The following LMOD3 variants were observed in gnomAD, a reference collection of about 807,000 sequenced individuals.
LMOD3 encodes the protein leiomodin 3, also known as leiomodin-3.
In LMOD3, 31 loss-of-function variants were observed where a neutral mutation model predicts 41.8. That is an observed-to-expected ratio of 0.74 (90% CI 0.56 to 1.00). LMOD3 has a LOEUF of 1.00. Among genes scored for constraint, LMOD3 ranks in the 50% least tolerant of loss-of-function variants. The pLI is 0.00. For synonymous variants in LMOD3, 292 were observed against 241.9 expected (o/e 1.21, Z -1.92); for missense variants, 755 against 679.5 (o/e 1.11, Z -1.23).
Position 69,109,117 on chromosome 3 carries a change from T to G in LMOD3, c.1661A>C (p.Gln554Pro). 6.2e-7 allele frequency: 1 copy of G among 1,602,868 alleles called. No homozygotes were observed. Among genetic ancestry groups the G allele is most frequent in the Non-Finnish European group, 8.5e-7 (1 of 1,174,444 alleles). ...CTCTTACGCCAGTTCTTTTGGCAGT[T>G]GCACCTGCGATTTAAGCATTTGAGG... ...HSSVAYLKPV[Q>P]LPKELA The change falls in exon 3 of 3, where the codon CAA becomes CCA. Residue 554 changes from glutamine to proline, a missense_variant. Physicochemically the swap from Gln to Pro is moderately conservative, Grantham distance 76. Transcript: ENST00000420581.
In LMOD3 at chr3:69,119,478, C is replaced by A; in HGVS notation, c.877G>T (p.Gly293Cys). 1 of 1,613,914 alleles carries A rather than the reference C, an allele frequency of 6.2e-7. No individual in the cohort carries two copies. The highest frequency in any genetic ancestry group is 8.5e-7 in the Non-Finnish European group (1 of 1,179,868). ...GCAAATGCTACATTCTCATCTGCAC[C>A]CACATTGGCTAAACTGAATGTTTTG... ...HIKTFSLANV[G>C]ADENVAFALA... Residue 293 changes from glycine (G) to cysteine (C), a missense_variant, in exon 2 of 3, where the codon GGT (glycine) becomes TGT (cysteine). Transcript: ENST00000420581.
chr3:69,119,896 ATCATCTTCTTCTTCT>A lies in LMOD3; in HGVS notation c.444_458del (p.Glu148_Asp152del), dbSNP rs1437507395. 4.9e-6 allele frequency: 7 copies of A among 1,416,230 alleles called. No homozygotes were observed. Among genetic ancestry groups the A allele is most frequent in the Non-Finnish European group, 6.8e-6 (7 of 1,022,262 alleles). The allele number at this position is 1,416,230 out of a possible 1,614,324, so 87.7% of individuals were successfully genotyped here. A position where few individuals can be genotyped will look rare whatever the true frequency, so the allele number is the denominator to read the frequency against. The stretch of plus-strand genomic sequence containing the variant: ...CATCTTCTCCTTCGTCGTCATCATC[ATCATCTTCTTCTTCT>A]TCATCTTCTTCATCTGTTTCTTGGA... On this transcript the variant is annotated inframe_deletion, in exon 2 of 3. Transcript: ENST00000420581.
In LMOD3 at chr3:69,107,082, T is replaced by A. The variant is rs1419557912; in HGVS notation, c.*2013A>T. The A allele has an allele frequency of 6.6e-6, 1 of 152,018 alleles. No individual in the cohort carries two copies. Among genetic ancestry groups the A allele is most frequent in the African/African-American group, 2.4e-5 (1 of 41,358 alleles). 9.4% of individuals were successfully genotyped at this position (152,018 alleles called of 1,614,324 possible). On this transcript the variant is annotated 3_prime_UTR_variant, in exon 3 of 3. Transcript: ENST00000420581. ...CTTTTCCTATCAGAGTTTAGCCTCT[T>A]AGATGTAGTATGTGCTAGACACTTG...
chr3:69,122,495 T>C lies in LMOD3; in HGVS notation c.-109A>G, dbSNP rs991940959. On this transcript the variant is annotated 5_prime_UTR_variant, in exon 1 of 3. Coordinates refer to ENST00000420581, the MANE Select transcript of LMOD3 (RefSeq NM_198271.5). ...TCCCCCAGTTAACGAGTGTCCCAAGTTAACACACCCTTGAGATATTTTTTT... is the reference window on the plus strand; with the variant it reads ...TCCCCCAGTTAACGAGTGTCCCAAGCTAACACACCCTTGAGATATTTTTTT... 3 of 809,510 alleles carry C rather than the reference T, an allele frequency of 3.7e-6. No homozygotes were observed. The highest frequency in any genetic ancestry group is 3.8e-6 in the Non-Finnish European group (2 of 528,128). The allele number at this position is 809,510 out of a possible 1,614,324, so 50.1% of individuals were successfully genotyped here. A position where few individuals can be genotyped will look rare whatever the true frequency, so the allele number is the denominator to read the frequency against.
chr3:69,118,657 A>T (rs371600016), intron 2 of LMOD3, 42 bp downstream of exon 2: 1 of 1,572,222 alleles, frequency 6.4e-7, no homozygotes, highest in African/African-American at 1.4e-5. Flanking sequence ...TGCATTTACT[A>T]TGGAGGGTGC....
At chr3:69,117,584 A>G (rs527692154) in intron 2 of LMOD3, among the ~76,000 whole-genome samples, 75 of 152,302 alleles carry the variant, frequency 4.9e-4, no homozygotes, top group Middle Eastern at 3.4e-3. Flanking sequence ...TCTGCAACTT[A>G]AGTTGCACGG....
intron 1 of LMOD3, 140 bp from the exon 2 acceptor site, chr3:69,120,200 T>C: frequency 1.1e-6 from 1 of 932,982 alleles, no homozygotes. Context: ...AATAGCTGAT[T>C]GCTAAAAATG....
In LMOD3 at chr3:69,107,708, C is replaced by T. The variant is rs144633600; in HGVS notation, c.*1387G>A. The T allele has an allele frequency of 5.3e-5, 8 of 151,864 alleles. No individual in the cohort carries two copies. In the South Asian group the frequency reaches 1.7e-3, roughly 32 times the overall value. The allele number at this position is 151,864 out of a possible 1,614,324, so 9.4% of individuals were successfully genotyped here. On this transcript the variant is annotated 3_prime_UTR_variant, in exon 3 of 3. Coordinates refer to ENST00000420581, the MANE Select transcript of LMOD3 (RefSeq NM_198271.5). ...GCCAGGCTGGTCTCGAACTCCTGAC[C>T]TCTGGAGATCCTCCCTCCCTGGCCT... is the stretch of plus-strand genomic sequence containing the variant.
At chr3:69,112,031 T>C (rs993528779) in intron 2 of LMOD3, among the ~76,000 whole-genome samples, 1 of 152,248 alleles carries the variant, frequency 6.6e-6, no homozygotes, top group Admixed American at 6.5e-5. Context: ...TTAATCATTT[T>C]CAAAGAGGCC....
chr3:69,119,763 CT>C lies in LMOD3; in HGVS notation c.591del (p.Glu198AsnfsTer19). On this transcript the variant is annotated frameshift_variant, in exon 2 of 3. Coordinates refer to ENST00000420581, the MANE Select transcript of LMOD3 (RefSeq NM_198271.5). LOFTEE classifies it high-confidence loss of function. ...NCQQVTDKAF[K>X]EQRDRPEAQE... Reference sequence around the variant, plus strand: ...TGGGCCTCTGGTCTGTCTCTCTGTTCTTTGAATGCTTTGTCAGTTACCTGCT... The same window carrying C: ...TGGGCCTCTGGTCTGTCTCTCTGTTCTTGAATGCTTTGTCAGTTACCTGCT... The C allele has an allele frequency of 6.2e-7, 1 of 1,613,268 alleles. No homozygotes were observed. The highest frequency in any genetic ancestry group is 8.5e-7 in the Non-Finnish European group (1 of 1,179,500).
intron 2 of LMOD3, among the ~76,000 whole-genome samples, chr3:69,113,354 G>A (rs926212632): frequency 9.2e-5 from 14 of 152,160 alleles, no homozygotes; most frequent in East Asian, 5.8e-4. Flanking sequence ...AGAGAAAGAG[G>A]AGAAAATTTC....
At position 69,119,701 on chromosome 3, in the gene LMOD3, A is replaced by G; in HGVS notation, c.654T>C (p.Pro218=). ...AGCTGGTGTCTAGAGCTAACTTCTT[A>G]GGATCTAATTTCGATATTTTTTTCT... ...QSEKKISKLD[P]KKLALDTSFL... is the part of the protein sequence containing the mutation. Residue 218 remains proline, a synonymous_variant, in exon 2 of 3, where the codon CCT becomes CCC. Coordinates refer to ENST00000420581, the MANE Select transcript of LMOD3 (RefSeq NM_198271.5). 1.2e-6 allele frequency: 2 copies of G among 1,613,898 alleles called. No individual in the cohort carries two copies. The highest frequency in any genetic ancestry group is 2.2e-5 in the South Asian group (2 of 91,068).
chr3:69,107,209 A>T lies in LMOD3; in HGVS notation c.*1886T>A, dbSNP rs2092326350. The T allele has an allele frequency of 6.6e-6, 1 of 151,984 alleles. No homozygotes were observed. Among genetic ancestry groups the T allele is most frequent in the Non-Finnish European group, 1.5e-5 (1 of 68,004 alleles). 9.4% of individuals were successfully genotyped at this position (151,984 alleles called of 1,614,324 possible). A position where few individuals can be genotyped will look rare whatever the true frequency, so the allele number is the denominator to read the frequency against. On this transcript the variant is annotated 3_prime_UTR_variant, in exon 3 of 3. Transcript: ENST00000420581. ...GAGAAAACAAAACTATCAGCCATTG[A>T]AAACTATATTTAAATTTGGATACTT...
intron 1 of LMOD3, among the ~76,000 whole-genome samples, chr3:69,121,246 C>G (rs1484667444): frequency 2.6e-5 from 4 of 152,188 alleles, no homozygotes; most frequent in Non-Finnish European, 5.9e-5. Flanking sequence ...ATCAATCCAG[C>G]TGTTTCTTTT....
intron 2 of LMOD3, among the ~76,000 whole-genome samples, chr3:69,115,938 T>C (rs575633838): frequency 3.3e-5 from 5 of 152,192 alleles, no homozygotes; most frequent in Non-Finnish European, 7.4e-5. Flanking sequence ...CATTGAGTCA[T>C]GTGCCCTGTT....
intron 2 of LMOD3, among the ~76,000 whole-genome samples, chr3:69,111,370 C>T (rs2092349561): frequency 6.6e-6 from 1 of 152,158 alleles, no homozygotes; most frequent in African/African-American, 2.4e-5. Flanking sequence ...TATGACTGCA[C>T]CCTGCAGGGC....
At position 69,118,986 on chromosome 3, in the gene LMOD3, G is replaced by T. The variant is rs759739076; in HGVS notation, c.1369C>A (p.Pro457Thr). 4 of 1,613,270 alleles carry T rather than the reference G, an allele frequency of 2.5e-6. No homozygotes were observed. Among genetic ancestry groups the T allele is most frequent in the Admixed American group, 3.3e-5 (2 of 59,934 alleles). The change falls in exon 2 of 3, where the codon CCC becomes ACC. Residue 457 changes from proline to threonine, a missense_variant. Pro to Thr is a conservative substitution (Grantham distance 38). Coordinates refer to ENST00000420581, the MANE Select transcript of LMOD3 (RefSeq NM_198271.5). ...FQPPPPRPPN[P>T]QNVPFSQRSE... ...CGTTGACTAAAGGGGACATTTTGGG[G>T]GTTGGGAGGCCGAGGTGGCGGTGGC...
At chr3:69,112,632 C>T (rs2092355134) in intron 2 of LMOD3, among the ~76,000 whole-genome samples, 1 of 152,164 alleles carries the variant, frequency 6.6e-6, no homozygotes, top group Admixed American at 6.5e-5. Context: ...AAGGGTGGTA[C>T]AGAGGCAAGA....
intron 2 of LMOD3, among the ~76,000 whole-genome samples, chr3:69,111,855 A>C (rs2092351759): frequency 6.6e-6 from 1 of 152,262 alleles, no homozygotes; most frequent in Non-Finnish European, 1.5e-5. Flanking sequence ...GAAAAGAGGA[A>C]TCAGTCACTA....
Sources: gnomAD v4.1 joint callset for allele counts (sites outside exome capture counted in the v4.1 genomes callset) on GRCh38, gnomAD v4.1.1 for gene constraint, MANE v1.5 for transcripts, NCBI Gene and HGNC (gene_info 2026-07-23, HGNC 2026-07-21) for gene names.